Variants in DOK6 observed in about 807,000 individuals in gnomAD.
DOK6 encodes the protein downstream of tyrosine kinase 6.
DOK6 carries 22 observed loss-of-function variants against 44.0 expected under a neutral mutation model. That is an observed-to-expected ratio of 0.50 (90% CI 0.36 to 0.71). The LOEUF is 0.71. DOK6 is among the 30% of genes least tolerant of loss of function. The probability of loss-of-function intolerance (pLI) is 0.00; values close to 1 mark genes in which losing one functional copy is unlikely to be tolerated. For missense variants in DOK6, 340 were observed against 416.4 expected (o/e 0.82, Z 1.60); for synonymous variants, 166 against 145.5 (o/e 1.14, Z -1.01).
chr18:69,790,106 G>T (rs1263192678), intron 7 of DOK6, among the ~76,000 whole-genome samples: 9 of 152,136 alleles, frequency 5.9e-5, no homozygotes, highest in Admixed American at 5.9e-4. Flanking sequence ...CAGAGATTTT[G>T]TCAAAGGAGA....
intron 7 of DOK6, among the ~76,000 whole-genome samples, chr18:69,775,588 A>G (rs996591712): frequency 9.2e-5 from 14 of 151,864 alleles, no homozygotes; most frequent in African/African-American, 3.1e-4. Flanking sequence ...GGAAATTTTT[A>G]AATTAATGTA....
chr18:69,476,511 A>C (rs1238786316), intron 1 of DOK6, among the ~76,000 whole-genome samples: 247 of 152,256 alleles, frequency 1.6e-3, no homozygotes, highest in East Asian at 0.012. Context: ...TGGCATTCTC[A>C]GAAGGAGGGA....
intron 1 of DOK6, among the ~76,000 whole-genome samples, chr18:69,471,889 A>G (rs960414235): frequency 6.6e-6 from 1 of 151,996 alleles, no homozygotes; most frequent in Admixed American, 6.6e-5. Context: ...GTTTTGCCCT[A>G]TTTTTTATTT....
At chr18:69,631,901 T>C (rs72961416) in intron 3 of DOK6, among the ~76,000 whole-genome samples, 10 of 152,354 alleles carry the variant, frequency 6.6e-5, no homozygotes, top group Non-Finnish European at 1.2e-4. Context: ...CAATTCTTTT[T>C]ATCATAAGTC....
At chr18:69,690,368 G>A (rs1395854019) in intron 4 of DOK6, among the ~76,000 whole-genome samples, 1 of 152,100 alleles carries the variant, frequency 6.6e-6, no homozygotes. Flanking sequence ...AATTTCTGAA[G>A]AGTTCTACAA....
intron 2 of DOK6, among the ~76,000 whole-genome samples, chr18:69,594,334 A>C (rs919451453): frequency 3.3e-5 from 5 of 152,172 alleles, no homozygotes; most frequent in African/African-American, 1.2e-4. Flanking sequence ...ATATACAAAT[A>C]TATGTATTTT....
intron 3 of DOK6, among the ~76,000 whole-genome samples, chr18:69,600,227 A>G (rs1983841340): frequency 6.6e-6 from 1 of 152,192 alleles, no homozygotes. Context: ...TCAGCATTTT[A>G]AAAAAGTAAA....
At chr18:69,651,354 CTTT>C (rs1985220252) in intron 3 of DOK6, among the ~76,000 whole-genome samples, 1 of 152,080 alleles carries the variant, frequency 6.6e-6, no homozygotes, top group Non-Finnish European at 1.5e-5. Flanking sequence ...AATTTATGCA[CTTT>C]TTTCCAAAAC....
chr18:69,782,029 G>A (rs1980283298), intron 7 of DOK6, among the ~76,000 whole-genome samples: 1 of 151,964 alleles, frequency 6.6e-6, no homozygotes, highest in Non-Finnish European at 1.5e-5. Context: ...AAATATAGCA[G>A]TTCTATTACA....
chr18:69,463,819 G>A (rs1312781167), intron 1 of DOK6, among the ~76,000 whole-genome samples: 1 of 152,062 alleles, frequency 6.6e-6, no homozygotes, highest in Non-Finnish European at 1.5e-5. Context: ...GTCCGTGTGT[G>A]TGTGTTAATC....
chr18:69,668,178 C>T (rs568325141), intron 3 of DOK6, among the ~76,000 whole-genome samples: 5 of 152,158 alleles, frequency 3.3e-5, no homozygotes, highest in Admixed American at 2.0e-4. Context: ...TGATTCTCAT[C>T]GCCACCATTC....
intron 5 of DOK6, among the ~76,000 whole-genome samples, chr18:69,712,282 A>C (rs867948297): frequency 2.2e-4 from 5 of 22,332 alleles, no homozygotes; most frequent in African/African-American, 8.6e-4. Flanking sequence ...CTCCGTCTCA[A>C]AAAAAAAAAA....
At chr18:69,553,052 G>T (rs1355082887) in intron 1 of DOK6, among the ~76,000 whole-genome samples, 1 of 152,306 alleles carries the variant, frequency 6.6e-6, no homozygotes, top group East Asian at 1.9e-4. Context: ...TAGAAATTAA[G>T]ATTAGAAACC....
chr18:69,832,919 C>CA (rs1568139586), intron 7 of DOK6, among the ~76,000 whole-genome samples: 3 of 151,818 alleles, frequency 2.0e-5, no homozygotes, highest in African/African-American at 4.8e-5. Flanking sequence ...TTGAAGAGTA[C>CA]AAAAAAATGG....
At chr18:69,798,362 T>C (rs904799070) in intron 7 of DOK6, among the ~76,000 whole-genome samples, 4 of 152,086 alleles carry the variant, frequency 2.6e-5, no homozygotes, top group African/African-American at 7.2e-5. Context: ...TTGTGAACGA[T>C]GGTTATACAG....
rs570722438 is a variant in DOK6, at chr18:69,808,159, A to G, written c.857-33085A>G. ...AAGAGGAATTTTAGAAAATTCACAA[A>G]TACATGGAAATTAAGCAGCATGCTT... is the stretch of plus-strand genomic sequence containing the variant. On this transcript the variant is annotated intron_variant, in intron 7 of 7. Coordinates refer to ENST00000382713, the MANE Select transcript of DOK6 (RefSeq NM_152721.6). 7.9e-5 allele frequency among the ~76,000 whole-genome samples: 12 copies of G among 152,038 alleles called. No individual in the cohort carries two copies. In the South Asian group the frequency reaches 2.3e-3, roughly 29 times the overall value.
intron 1 of DOK6, among the ~76,000 whole-genome samples, chr18:69,467,160 G>A (rs1250228492): frequency 3.3e-5 from 5 of 152,058 alleles, no homozygotes; most frequent in African/African-American, 4.8e-5. Flanking sequence ...GTAAACCAAA[G>A]AGGAGGATAA....
chr18:69,770,731 T>A (rs1979863392), intron 7 of DOK6, among the ~76,000 whole-genome samples: 1 of 152,120 alleles, frequency 6.6e-6, no homozygotes, highest in African/African-American at 2.4e-5. Context: ...TTAACTAAGC[T>A]TTATAGCACA....
At chr18:69,591,015 T>A (rs376311285) in intron 2 of DOK6, among the ~76,000 whole-genome samples, 1 of 152,160 alleles carries the variant, frequency 6.6e-6, no homozygotes, top group Non-Finnish European at 1.5e-5. Flanking sequence ...TTTTGGTGCA[T>A]TTGCAACAGT....
Sources: allele counts gnomAD v4.1 joint callset (sites outside exome capture counted in the v4.1 genomes callset), GRCh38; gene constraint gnomAD v4.1.1; transcripts MANE v1.5; gene names NCBI Gene and HGNC (gene_info 2026-07-23, HGNC 2026-07-21).